HCFC1: variants seen among roughly 807,000 people sequenced by gnomAD.
HCFC1 encodes host cell factor C1.
In HCFC1, 7 loss-of-function variants were observed where a neutral mutation model predicts 105.5. That is an observed-to-expected ratio of 0.07 (90% confidence interval 0.04 to 0.12). The LOEUF (loss-of-function observed/expected upper bound fraction) is 0.12, where lower values mean the gene tolerates loss of function less well. Among genes scored for constraint, HCFC1 ranks in the 10% least tolerant of loss-of-function variants. The pLI is 1.00. For synonymous variants in HCFC1, 918 were observed against 828.1 expected (o/e 1.11, Z -1.86); for missense variants, 1,065 against 1,823.6 (o/e 0.58, Z 7.58).
At position 153,959,960 on chromosome X, in the gene HCFC1, G is replaced by A. The variant is rs2065413814; in HGVS notation, c.1286C>T (p.Ala429Val). The change falls in exon 8 of 26, where the codon GCC becomes GTC. Residue 429 changes from alanine (A) to valine (V), a missense_variant. Physicochemically the swap from Ala to Val is moderately conservative, Grantham distance 64. This residue lies in a region of HCFC1 where 101 missense variants were observed against 155.1 expected (regional missense o/e 0.65). Coordinates refer to ENST00000310441, the MANE Select transcript of HCFC1 (RefSeq NM_005334.3). ...CACAGCAGGTGCGGCTGCTGCTGGGGCAGGGCTCTTGGGAGGGTTGGCAGG... is the reference window on the plus strand; with the variant it reads ...CACAGCAGGTGCGGCTGCTGCTGGGACAGGGCTCTTGGGAGGGTTGGCAGG... ...SVPANPPKSP[A>V]PAAAAPAVQP... The A allele has an allele frequency of 7.4e-6, 9 of 1,211,439 alleles. No individual in the cohort carries two copies. Among genetic ancestry groups the A allele is most frequent in the Non-Finnish European group, 1.0e-5 (9 of 895,362 alleles).
In HCFC1 at chrX:153,952,825, G is replaced by A. The variant is rs1557113017; in HGVS notation, c.4631C>T (p.Pro1544Leu). The A allele has an allele frequency of 2.5e-6, 3 of 1,193,576 alleles. No individual in the cohort carries two copies. Among genetic ancestry groups the A allele is most frequent in the East Asian group, 6.1e-5 (2 of 33,039 alleles). Residue 1544 changes from proline (P) to leucine (L), a missense_variant, in exon 19 of 26, where the codon CCG becomes CTG. Around this residue, in one of 17 missense-constraint regions of HCFC1, gnomAD observed 546 missense variants for 599.9 expected, o/e 0.91. Transcript: ENST00000310441. ...VLSASQTPEL[P>L]AAVDLSSTGE... is the part of the protein sequence containing the mutation. ...TGTGCTGCTCAGATCCACGGCGGCC[G>A]GGAGCTCAGGGGTCTGGGAGGCTGA...
At chrX:153,963,825 C>A (rs1357836583) in intron 3 of HCFC1, among the ~76,000 whole-genome samples, 2 of 112,540 alleles carry the variant, frequency 1.8e-5, no homozygotes, top group African/African-American at 6.4e-5. Flanking sequence ...GCAGCGGAGG[C>A]TGAGAAGGAA....
Position 153,956,955 on chromosome X carries a change from T to C in HCFC1, c.2459A>G (p.Lys820Arg). Residue 820 changes from lysine to arginine, a missense_variant, in exon 14 of 26, where the codon AAA (lysine) becomes AGA (arginine). Lys to Arg is a conservative substitution (Grantham distance 26). Coordinates refer to ENST00000310441, the MANE Select transcript of HCFC1 (RefSeq NM_005334.3). ...CTGCTGCCCGTGGCCAGTGGCAATT[T>C]TGGGGACAGCAGTGATGATTTTCGC... ...APAKIITAVP[K>R]IATGHGQQGV... 1 of 1,210,524 alleles carries C rather than the reference T, an allele frequency of 8.3e-7. No homozygotes were observed. The highest frequency in any genetic ancestry group is 1.1e-6 in the Non-Finnish European group (1 of 895,254).
In HCFC1 at chrX:153,957,316, G is replaced by A. The variant is rs1557115352; in HGVS notation, c.2351C>T (p.Thr784Met). The A allele has an allele frequency of 1.7e-6, 2 of 1,191,044 alleles. No homozygotes were observed. Among genetic ancestry groups the A allele is most frequent in the East Asian group, 3.0e-5 (1 of 33,528 alleles). ...CATATGTCGGGGGAGGCCCCTACCC[G>A]TGGCGCCCGCCTGGGTGATGATGGC... ...MSAIITQAGA[T>M]GVTSSPGIKS... Residue 784 changes from threonine (T) to methionine (M), a missense_variant and splice_region_variant, in exon 13 of 26, where the codon ACG becomes ATG. Transcript: ENST00000310441.
At chrX:153,968,524 A>C (rs1384867207) in intron 1 of HCFC1, among the ~76,000 whole-genome samples, 1 of 112,472 alleles carries the variant, frequency 8.9e-6, no homozygotes, top group Non-Finnish European at 1.9e-5. Flanking sequence ...GGAATTGCCG[A>C]TGACAGTTTC....
intron 2 of HCFC1, 39 bp downstream of exon 2, chrX:153,964,539 G>A: frequency 8.6e-7 from 1 of 1,167,454 alleles, no homozygotes; most frequent in South Asian, 2.0e-5. Context: ...AGGTCACATG[G>A]GGCCAAGGAG....
intron 18 of HCFC1, among the ~76,000 whole-genome samples, chrX:153,953,310 A>G (rs999508602): frequency 4.3e-4 from 48 of 112,009 alleles, no homozygotes; most frequent in African/African-American, 1.6e-3. Flanking sequence ...ACCCGTCCTC[A>G]GTCACCCTGG....
At chrX:153,953,553 T>C in intron 18 of HCFC1, 54 bp downstream of exon 18, 6 of 1,140,502 alleles carry the variant, frequency 5.3e-6, no homozygotes, top group Non-Finnish European at 7.1e-6. Flanking sequence ...AGTGTGGAAC[T>C]GCACGGGCGT....
rs2065267204 is a variant in HCFC1, at chrX:153,947,573, C to G, written c.*1774G>C. On this transcript the variant is annotated 3_prime_UTR_variant, in exon 26 of 26. Transcript: ENST00000310441. ...ACCTAGTGGTTATTTCAAAAAAAGT[C>G]TTTTAATTGTTCAAAATAGCACAAA... is the stretch of plus-strand genomic sequence containing the variant. 1 of 112,458 alleles carries G rather than the reference C, an allele frequency of 8.9e-6. No individual in the cohort carries two copies. Among genetic ancestry groups the G allele is most frequent in the Admixed American group, 9.4e-5 (1 of 10,648 alleles). The allele number at this position is 112,458 out of a possible 1,213,427, so 9.3% of individuals were successfully genotyped here. A position where few individuals can be genotyped will look rare whatever the true frequency, so the allele number is the denominator to read the frequency against.
chrX:153,948,138 G>C lies in HCFC1; in HGVS notation c.*1209C>G, dbSNP rs1161723901. On this transcript the variant is annotated 3_prime_UTR_variant, in exon 26 of 26. Coordinates refer to ENST00000310441, the MANE Select transcript of HCFC1 (RefSeq NM_005334.3). The stretch of plus-strand genomic sequence containing the variant: ...TGGGGGAGGTGGAGCAGTGGCTGCG[G>C]AAACCAGCAGCCCTGTTTGGGAGGC... 8.9e-6 allele frequency: 1 copy of C among 112,065 alleles called. No homozygotes were observed. Among genetic ancestry groups the C allele is most frequent in the Non-Finnish European group, 1.9e-5 (1 of 53,142 alleles). 9.2% of individuals were successfully genotyped at this position (112,065 alleles called of 1,213,427 possible). A position where few individuals can be genotyped will look rare whatever the true frequency, so the allele number is the denominator to read the frequency against.
At chrX:153,953,543 A>G (rs1256410659) in intron 18 of HCFC1, 64 bp downstream of exon 18, 1 of 1,076,277 alleles carries the variant, frequency 9.3e-7, no homozygotes. Context: ...CTGGCGTCTG[A>G]GTGTGGAACT....
chrX:153,949,688 C>T lies in HCFC1; in HGVS notation c.6005-72G>A, dbSNP rs1557111924. 2.5e-5 allele frequency: 24 copies of T among 959,073 alleles called. No individual in the cohort carries two copies. In the South Asian group the frequency reaches 3.0e-4, roughly 12 times the overall value. The allele number at this position is 959,073 out of a possible 1,213,427, so 79.0% of individuals were successfully genotyped here. ...GAGCAAGGAACACATGCGCCCTGCC[C>T]GCCTGCAGAGTCTCTTGGTGCCACA... On this transcript the variant is annotated intron_variant, in intron 24 of 25. Transcript: ENST00000310441.
chrX:153,963,827 G>A (rs965543362), intron 3 of HCFC1, among the ~76,000 whole-genome samples: 2 of 112,577 alleles, frequency 1.8e-5, no homozygotes, highest in Non-Finnish European at 3.8e-5. Context: ...AGCGGAGGCT[G>A]AGAAGGAACG....
chrX:153,966,405 C>T (rs1203526082), intron 1 of HCFC1, among the ~76,000 whole-genome samples: 1 of 112,377 alleles, frequency 8.9e-6, no homozygotes, highest in Non-Finnish European at 1.9e-5. Flanking sequence ...CTAGAGCTCC[C>T]CTGCCATTTC....
chrX:153,958,323 G>T, intron 10 of HCFC1, 74 bp from the exon 11 acceptor site: 1 of 846,339 alleles, frequency 1.2e-6, no homozygotes, highest in Non-Finnish European at 1.7e-6. Flanking sequence ...GTCCACGGTG[G>T]GCCCATAGCT....
intron 1 of HCFC1, among the ~76,000 whole-genome samples, chrX:153,968,211 CTAAAAT>C (rs1557118884): frequency 1.8e-5 from 2 of 111,402 alleles, no homozygotes; most frequent in African/African-American, 6.6e-5. Context: ...CCACATGGAA[CTAAAAT>C]TCCCTAAGGA....
rs1298816780 is a variant in HCFC1 at position 153,951,446 on chromosome X, C to T, written c.5421G>A (p.Lys1807=). 2 of 1,209,701 alleles carry T rather than the reference C, an allele frequency of 1.7e-6. No homozygotes were observed. The highest frequency in any genetic ancestry group is 2.2e-6 in the Non-Finnish European group (2 of 894,946). The change falls in exon 22 of 26, where the codon AAG becomes AAA. Residue 1807 remains lysine, a synonymous_variant. Coordinates refer to ENST00000310441, the MANE Select transcript of HCFC1 (RefSeq NM_005334.3). ...CCACATCAAACCACTGGTTTTCCTT[C>T]TTCATGGGGGCTTTGCTGGGTGGGG... is the stretch of plus-strand genomic sequence containing the variant. The part of the protein sequence containing the change: ...LPPPPSKAPM[K]KENQWFDVGV...
At position 153,960,046 on chromosome X, in the gene HCFC1, A is replaced by G. The variant is rs398124206; in HGVS notation, c.1200T>C (p.Tyr400=). The G allele has an allele frequency of 3.5e-5, 42 of 1,209,754 alleles. No individual in the cohort carries two copies. The highest frequency in any genetic ancestry group is 1.1e-4 in the South Asian group (6 of 56,815). Reference sequence around the variant, plus strand: ...CAGTAGCAGCCGTGGCAGGAATGTCATATTTCTGGAGCTGGAGAAGGTAGC... The same window carrying G: ...CAGTAGCAGCCGTGGCAGGAATGTCGTATTTCTGGAGCTGGAGAAGGTAGC... ...ADSYLLQLQK[Y]DIPATAATAT... The change falls in exon 8 of 26, where the codon TAT becomes TAC. Residue 400 remains tyrosine (Y), a synonymous_variant. Coordinates refer to ENST00000310441, the MANE Select transcript of HCFC1 (RefSeq NM_005334.3).
Position 153,957,402 on chromosome X carries a change from G to A in HCFC1, c.2265C>T (p.Ser755=), listed in dbSNP as rs201977456. The change falls in exon 13 of 26, where the codon AGC becomes AGT. Residue 755 remains serine (S), a synonymous_variant. Transcript: ENST00000310441. ...GTKPTILGIS[S]VSPSTTKPGT... is the part of the protein sequence containing the mutation. The stretch of plus-strand genomic sequence containing the variant: ...CGGGCTTGGTGGTACTGGGGGAGAC[G>A]CTGCTGATGCCCAGGATGGTGGGCT... 5.0e-6 allele frequency: 6 copies of A among 1,207,419 alleles called. No individual in the cohort carries two copies. The highest frequency in any genetic ancestry group is 6.7e-6 in the Non-Finnish European group (6 of 893,344).
Sources: gnomAD v4.1 joint callset for allele counts (sites outside exome capture counted in the v4.1 genomes callset) on GRCh38, gnomAD v4.1.1 for gene constraint, gnomAD v4.1.1 regional missense constraint, MANE v1.5 for transcripts, NCBI Gene and HGNC (gene_info 2026-07-23, HGNC 2026-07-21) for gene names.